The following FRY variants were observed in gnomAD, a reference collection of about 807,000 sequenced individuals.
FRY encodes FRY microtubule binding protein.
Under a neutral mutation model 348.4 loss-of-function variants are expected in FRY, and 128 were observed. The observed-to-expected ratio is 0.37, with a 90% confidence interval of 0.32 to 0.43. The LOEUF (loss-of-function observed/expected upper bound fraction) is 0.43. Among genes scored for constraint, FRY ranks in the 20% least tolerant of loss-of-function variants. FRY has a pLI of 1.00. For synonymous variants in FRY, 1,370 were observed against 1,374.7 expected (o/e 1.00, Z 0.08); for missense variants, 2,736 against 3,695.2 (o/e 0.74, Z 6.73).
At position 32,237,692 on chromosome 13, in the gene FRY, G is replaced by A. The variant is rs746991816; in HGVS notation, c.6124G>A (p.Ala2042Thr). 3 of 1,613,964 alleles carry A rather than the reference G, an allele frequency of 1.9e-6. No homozygotes were observed. The highest frequency in any genetic ancestry group is 1.3e-5 in the African/African-American group (1 of 74,886). Reference protein sequence around the residue: ...SHINHPTNLLATIFWVTVALM... With the variant: ...SHINHPTNLLTTIFWVTVALM... ...CATAAACCATCCCACCAACCTGCTG[G>A]CCACCATATTCTGGGTCACAGTGGC... Residue 2042 changes from alanine (A) to threonine (T), a missense_variant, in exon 44 of 61, where the codon GCC (alanine) becomes ACC (threonine). Ala to Thr is a moderately conservative substitution (Grantham distance 58). Around this residue, in one of 9 missense-constraint regions of FRY, gnomAD observed 789 missense variants for 996.2 expected, o/e 0.79. Transcript: ENST00000542859. The surrounding 1 kb of genome is among the most constrained non-coding windows in gnomAD (Gnocchi z 6.3).
chr13:32,031,864 TAGTG>T lies in FRY; in HGVS notation c.70+3_70+6del, dbSNP rs1872236837. The stretch of plus-strand genomic sequence containing the variant: ...AATATTTACTGAAATCCTGGAGTAA[TAGTG>T]AGTAATAGAAAATAACCTTTTTGTT... On this transcript the variant is annotated splice_donor_variant and splice_donor_region_variant and coding_sequence_variant and intron_variant, in exon 1 of 61. Coordinates refer to ENST00000542859, the MANE Select transcript of FRY (RefSeq NM_023037.3). LOFTEE classifies it high-confidence loss of function. 1 of 1,481,126 alleles carries T rather than the reference TAGTG, an allele frequency of 6.8e-7. No individual in the cohort carries two copies. Among genetic ancestry groups the T allele is most frequent in the East Asian group, 2.3e-5 (1 of 44,302 alleles). The allele number at this position is 1,481,126 out of a possible 1,614,324, so 91.7% of individuals were successfully genotyped here. A position where few individuals can be genotyped will look rare whatever the true frequency, so the allele number is the denominator to read the frequency against.
rs749653622 is a variant in FRY, at chr13:32,187,648, G to T, written c.3583G>T (p.Asp1195Tyr). ...KWLDNILACQDLRVHQLGCEV... is the reference protein window; with the variant it reads ...KWLDNILACQYLRVHQLGCEV... ...GCTTGACAACATTCTGGCTTGTCAA[G>T]ATTTACGAGTAAGTATAGGCAAAAA... The change falls in exon 28 of 61, where the codon GAT (aspartate) becomes TAT (tyrosine). Residue 1195 changes from aspartate to tyrosine, a missense_variant. Around this residue, in one of 9 missense-constraint regions of FRY, gnomAD observed 794 missense variants for 977.0 expected, o/e 0.81. Transcript: ENST00000542859. The T allele has an allele frequency of 6.3e-7, 1 of 1,581,552 alleles. No homozygotes were observed. The highest frequency in any genetic ancestry group is 8.7e-7 in the Non-Finnish European group (1 of 1,150,332).
At chr13:32,204,103 GT>G (rs1441313379) in intron 31 of FRY, among the ~76,000 whole-genome samples, 1 of 152,228 alleles carries the variant, frequency 6.6e-6, no homozygotes, top group Non-Finnish European at 1.5e-5. Flanking sequence ...GTATAGTACA[GT>G]GGTTAGAACA....
intron 13 of FRY, among the ~76,000 whole-genome samples, chr13:32,148,615 C>T (rs1384010049): frequency 1.3e-5 from 2 of 152,186 alleles, no homozygotes; most frequent in Admixed American, 6.5e-5. Flanking sequence ...ACTATTATTC[C>T]AGTCCAGCCT....
chr13:32,268,802 G>A (rs181045159), intron 55 of FRY, among the ~76,000 whole-genome samples: 275 of 151,536 alleles, frequency 1.8e-3, no homozygotes, highest in African/African-American at 6.3e-3. Context: ...CGAGTAGCTG[G>A]GATTACAGGC....
Position 32,173,482 on chromosome 13 carries a change from C to A in FRY, c.2267C>A (p.Thr756Lys). ...LVLLCSFQVA[T>K]RKLSVLILKE... Reference sequence around the variant, plus strand: ...TTACTCTGCAGTTTCCAGGTGGCCACACGCAAACTGTCCGTTTTAATACTC... The same window carrying A: ...TTACTCTGCAGTTTCCAGGTGGCCAAACGCAAACTGTCCGTTTTAATACTC... The change falls in exon 19 of 61, where the codon ACA becomes AAA. Residue 756 changes from threonine to lysine, a missense_variant. This residue lies in a region of FRY where 449 missense variants were observed against 576.9 expected (regional missense o/e 0.78). Coordinates refer to ENST00000542859, the MANE Select transcript of FRY (RefSeq NM_023037.3). 6.2e-7 allele frequency: 1 copy of A among 1,613,540 alleles called. No homozygotes were observed.
At chr13:32,158,274 C>T (rs1415084067) in intron 16 of FRY, among the ~76,000 whole-genome samples, 1 of 152,174 alleles carries the variant, frequency 6.6e-6, no homozygotes, top group Non-Finnish European at 1.5e-5. Context: ...ATGAAATCTG[C>T]AGCCGTTTCT....
At chr13:32,109,222 G>A (rs1337460818) in intron 3 of FRY, among the ~76,000 whole-genome samples, 2 of 152,160 alleles carry the variant, frequency 1.3e-5, no homozygotes, top group South Asian at 2.1e-4. Flanking sequence ...GATTTGGAGC[G>A]ATTTCCATTC....
chr13:32,035,305 C>G (rs2138340825), intron 1 of FRY, among the ~76,000 whole-genome samples: 1 of 152,100 alleles, frequency 6.6e-6, no homozygotes, highest in Middle Eastern at 3.4e-3. Context: ...GGTTTTTTTT[C>G]TCCCAGATTT....
At position 32,155,483 on chromosome 13, in the gene FRY, T is replaced by C; in HGVS notation, c.1480-8T>C. 2 of 1,607,878 alleles carry C rather than the reference T, an allele frequency of 1.2e-6. No individual in the cohort carries two copies. Among genetic ancestry groups the C allele is most frequent in the South Asian group, 1.1e-5 (1 of 90,984 alleles). ...TTCCTTTTGTCATGACAATATTGTC[T>C]CTTACAGAGAATGAACATTGGTTTA... On this transcript the variant is annotated splice_polypyrimidine_tract_variant and splice_region_variant and intron_variant, in intron 14 of 60. Coordinates refer to ENST00000542859, the MANE Select transcript of FRY (RefSeq NM_023037.3).
At chr13:32,172,874 T>G (rs1882171323) in intron 18 of FRY, among the ~76,000 whole-genome samples, 1 of 152,212 alleles carries the variant, frequency 6.6e-6, no homozygotes, top group African/African-American at 2.4e-5. Flanking sequence ...TTAGATTCAC[T>G]TGGTTGGGGA....
intron 31 of FRY, among the ~76,000 whole-genome samples, chr13:32,205,139 G>T (rs1269262788): frequency 7.0e-6 from 1 of 143,746 alleles, no homozygotes; most frequent in Non-Finnish European, 1.5e-5. Context: ...AGAAGCAGAG[G>T]TTGCAGTTAG....
intron 11 of FRY, among the ~76,000 whole-genome samples, chr13:32,140,231 A>T (rs1328661780): frequency 2.0e-5 from 3 of 152,196 alleles, no homozygotes; most frequent in Non-Finnish European, 4.4e-5. Flanking sequence ...TGTGGGTATC[A>T]TGGCAATGCC....
intron 35 of FRY, among the ~76,000 whole-genome samples, chr13:32,215,814 C>G (rs1884959848): frequency 6.6e-6 from 1 of 152,154 alleles, no homozygotes; most frequent in Admixed American, 6.5e-5. Context: ...AACTGATCCT[C>G]CCACCTCAGC....
Position 32,231,073 on chromosome 13 carries a change from G to A in FRY, c.5406-106G>A, listed in dbSNP as rs554937650. 3.2e-6 allele frequency: 3 copies of A among 944,846 alleles called. No homozygotes were observed. The South Asian group carries it at 4.8e-5, about 15-fold the overall frequency. The allele number at this position is 944,846 out of a possible 1,614,324, so 58.5% of individuals were successfully genotyped here. ...TAGATCTTTGTCAGATGCATAGATT[G>A]CAAAAAATTTAAATATGTTATATGT... On this transcript the variant is annotated intron_variant, in intron 40 of 60. Coordinates refer to ENST00000542859, the MANE Select transcript of FRY (RefSeq NM_023037.3).
At chr13:32,253,179 C>T (rs556991416) in intron 50 of FRY, among the ~76,000 whole-genome samples, 1 of 152,220 alleles carries the variant, frequency 6.6e-6, no homozygotes, top group African/African-American at 2.4e-5. Flanking sequence ...TCTCATGTCT[C>T]GTCTCTCACT....
chr13:32,289,539 T>TA (rs890004129), intron 58 of FRY, 94 bp from the exon 59 acceptor site: 114 of 753,330 alleles, frequency 1.5e-4, no homozygotes, highest in Middle Eastern at 5.4e-4. Flanking sequence ...TTTCTTAATT[T>TA]AAAAAAAAAG....
chr13:32,267,323 T>C lies in FRY; in HGVS notation c.8100T>C (p.Ala2700=). 6.2e-7 allele frequency: 1 copy of C among 1,614,192 alleles called. No individual in the cohort carries two copies. Among genetic ancestry groups the C allele is most frequent in the Admixed American group, 1.7e-5 (1 of 60,032 alleles). Residue 2700 remains alanine (A), a synonymous_variant, in exon 55 of 61, where the codon GCT becomes GCC. Coordinates refer to ENST00000542859, the MANE Select transcript of FRY (RefSeq NM_023037.3). ...TGTGTGACTCAGATGGCTCCTGTGC[T>C]GTGTATACATTTCATGTGTTCTCCT... is the stretch of plus-strand genomic sequence containing the variant. ...QLMCDSDGSC[A]VYTFHVFSSL... is the part of the protein sequence containing the mutation.
At position 32,295,549 on chromosome 13, in the gene FRY, G is replaced by A; in HGVS notation, c.*89G>A. 1 of 1,267,870 alleles carries A rather than the reference G, an allele frequency of 7.9e-7. No individual in the cohort carries two copies. Among genetic ancestry groups the A allele is most frequent in the East Asian group, 2.3e-5 (1 of 43,198 alleles). The allele number at this position is 1,267,870 out of a possible 1,614,324, so 78.5% of individuals were successfully genotyped here. A position where few individuals can be genotyped will look rare whatever the true frequency, so the allele number is the denominator to read the frequency against. On this transcript the variant is annotated 3_prime_UTR_variant, in exon 61 of 61. Coordinates refer to ENST00000542859, the MANE Select transcript of FRY (RefSeq NM_023037.3). ...TCAGTGTCTTCTCGGCCTTCAAAAG[G>A]CTTGGACAGACTGTTCTCCCTCTTG...
Sources: allele counts gnomAD v4.1 joint callset (sites outside exome capture counted in the v4.1 genomes callset), GRCh38; gene constraint gnomAD v4.1.1; regional missense constraint gnomAD v4.1.1; non-coding constraint Gnocchi (gnomAD v3.1); transcripts MANE v1.5; gene names NCBI Gene and HGNC (gene_info 2026-07-23, HGNC 2026-07-21).